Variants in TNS3 observed in about 807,000 individuals in gnomAD.
TNS3 encodes tensin 3, also known as tensin-3.
In TNS3, 45 loss-of-function variants were observed where a neutral mutation model predicts 140.9. That is an observed-to-expected ratio of 0.32 (90% CI 0.25 to 0.41). The LOEUF (loss-of-function observed/expected upper bound fraction) is 0.41. TNS3 is among the 10% of genes least tolerant of loss of function. The probability of loss-of-function intolerance (pLI) is 1.00; values close to 1 mark genes in which losing one functional copy is unlikely to be tolerated. For synonymous variants in TNS3, 815 were observed against 788.4 expected (o/e 1.03, Z -0.56); for missense variants, 1,716 against 1,906.7 (o/e 0.90, Z 1.86).
intron 2 of TNS3, among the ~76,000 whole-genome samples, chr7:47,510,748 G>T (rs908238994): frequency 6.6e-6 from 1 of 151,068 alleles, no homozygotes; most frequent in Non-Finnish European, 1.5e-5. Flanking sequence ...GATGATGCAT[G>T]TCTGTAATCC....
intron 16 of TNS3, among the ~76,000 whole-genome samples, chr7:47,373,363 G>A (rs1791191286): frequency 6.6e-6 from 1 of 152,172 alleles, no homozygotes. Flanking sequence ...TTCTCTTAAA[G>A]TTATGAGAAC....
At chr7:47,389,154 A>AAGAGGC (rs1340201271) in intron 16 of TNS3, among the ~76,000 whole-genome samples, 3 of 82,208 alleles carry the variant, frequency 3.6e-5, no homozygotes, top group African/African-American at 1.3e-4. Flanking sequence ...GAAGAAGAAG[A>AAGAGGC]AGCAGAAGAA....
chr7:47,501,279 C>A (rs1490862529), intron 3 of TNS3, among the ~76,000 whole-genome samples: 1 of 152,256 alleles, frequency 6.6e-6, no homozygotes, highest in East Asian at 1.9e-4. Context: ...TCAGATCATT[C>A]ATTCCTAGTG....
At chr7:47,491,707 T>C (rs1467966566) in intron 3 of TNS3, among the ~76,000 whole-genome samples, 2 of 152,208 alleles carry the variant, frequency 1.3e-5, no homozygotes, top group African/African-American at 2.4e-5. Context: ...TGATTCATGA[T>C]AATACTTAAC....
At chr7:47,324,672 A>T (rs969140454) in intron 20 of TNS3, among the ~76,000 whole-genome samples, 1 of 152,192 alleles carries the variant, frequency 6.6e-6, no homozygotes, top group Non-Finnish European at 1.5e-5. Context: ...GAATCACTTG[A>T]ACCTGGGAGG....
chr7:47,485,824 A>G (rs1797589499), intron 3 of TNS3, among the ~76,000 whole-genome samples: 2 of 152,228 alleles, frequency 1.3e-5, no homozygotes, highest in South Asian at 4.1e-4. Flanking sequence ...GTACACTGGC[A>G]TCAATAACCT....
chr7:47,571,868 C>T lies in TNS3; in HGVS notation c.-265+10183G>A, dbSNP rs984855083. Among the ~76,000 whole-genome samples, 6 of 152,326 alleles carry T rather than the reference C, an allele frequency of 3.9e-5. No individual in the cohort carries two copies. The East Asian group carries it at 5.8e-4, about 15-fold the overall frequency. On this transcript the variant is annotated intron_variant, in intron 1 of 30. Coordinates refer to ENST00000311160, the MANE Select transcript of TNS3 (RefSeq NM_022748.12). ...GCTGGCCACACAGCTGTGCTTGCCCCGTGCGTGGTGTCCCAGGGAACTATG... is the reference window on the plus strand; with the variant it reads ...GCTGGCCACACAGCTGTGCTTGCCCTGTGCGTGGTGTCCCAGGGAACTATG...
At chr7:47,297,989 T>C (rs1344293838) in intron 23 of TNS3, among the ~76,000 whole-genome samples, 1 of 152,008 alleles carries the variant, frequency 6.6e-6, no homozygotes. Context: ...GGTTTCACCA[T>C]GTTAGCCAGG....
intron 20 of TNS3, among the ~76,000 whole-genome samples, chr7:47,333,628 AGTAC>A (rs1562603006): frequency 6.6e-6 from 1 of 152,240 alleles, no homozygotes; most frequent in African/African-American, 2.4e-5. Flanking sequence ...AAGGGAGTCG[AGTAC>A]AGGAAAGAAA....
intron 4 of TNS3, among the ~76,000 whole-genome samples, chr7:47,466,616 CTGATTCTGGTT>C (rs983236856): frequency 3.3e-5 from 5 of 152,188 alleles, no homozygotes; most frequent in African/African-American, 1.2e-4. Flanking sequence ...GAGGCTGGGT[CTGATTCTGGTT>C]TGATTCTGGT....
chr7:47,298,049 G>C (rs536125085), intron 23 of TNS3, among the ~76,000 whole-genome samples: 423 of 152,298 alleles, frequency 2.8e-3, no homozygotes, highest in Non-Finnish European at 4.3e-3. Context: ...GCCTCCCAAA[G>C]TGCTGGGATT....
intron 4 of TNS3, among the ~76,000 whole-genome samples, chr7:47,445,520 T>C (rs1300035159): frequency 1.3e-5 from 2 of 152,190 alleles, no homozygotes; most frequent in Admixed American, 1.3e-4. Context: ...AGGCTGCCCC[T>C]GAATCACATG....
intron 20 of TNS3, among the ~76,000 whole-genome samples, chr7:47,344,439 G>A (rs543179212): frequency 6.6e-6 from 1 of 152,292 alleles, no homozygotes; most frequent in East Asian, 1.9e-4. Context: ...AGTGTGGGGT[G>A]GGCATTCTCG....
At chr7:47,539,154 A>G (rs1799709767) in intron 1 of TNS3, 1 of 456,346 alleles carries the variant, frequency 2.2e-6, no homozygotes, top group Non-Finnish European at 4.4e-6. Flanking sequence ...AAACTCCTCC[A>G]ACCTGAGTAC....
chr7:47,442,250 C>T (rs1312156921), intron 4 of TNS3, among the ~76,000 whole-genome samples, 195 bp from the exon 5 acceptor site: 5 of 152,186 alleles, frequency 3.3e-5, no homozygotes, highest in East Asian at 1.9e-4. Flanking sequence ...CACCAGAGGA[C>T]GCAGTGCCAC....
At chr7:47,327,999 G>A (rs1788118419) in intron 20 of TNS3, among the ~76,000 whole-genome samples, 1 of 152,218 alleles carries the variant, frequency 6.6e-6, no homozygotes, top group Non-Finnish European at 1.5e-5. Flanking sequence ...CAGGACCCTG[G>A]TCAGTCCATG....
At chr7:47,535,504 G>C (rs1000168181) in intron 1 of TNS3, among the ~76,000 whole-genome samples, 1 of 152,244 alleles carries the variant, frequency 6.6e-6, no homozygotes, top group African/African-American at 2.4e-5. Flanking sequence ...GACTGCCCTT[G>C]TTTTCACCTG....
rs79623273 is a variant in TNS3, at chr7:47,278,575, C to T, written c.4194-355G>A. 9.6e-3 allele frequency: 1,935 copies of T among 202,482 alleles called. 39 individuals carry two copies. The highest frequency in any genetic ancestry group is 0.043 in the African/African-American group (1,849 of 43,232). The allele number at this position is 202,482 out of a possible 1,614,324, so 12.5% of individuals were successfully genotyped here. On this transcript the variant is annotated intron_variant, in intron 30 of 30. Transcript: ENST00000311160. ...CCTGGGCACCTGTCCCTGCAGATTC[C>T]TGAGCCCCAGTCCTGACATACTGGA...
At chr7:47,516,608 C>T (rs1219935925) in intron 2 of TNS3, among the ~76,000 whole-genome samples, 1 of 152,178 alleles carries the variant, frequency 6.6e-6, no homozygotes, top group Non-Finnish European at 1.5e-5. Context: ...GCTCCCAGCT[C>T]CAACTCAGTA....
Sources: gnomAD v4.1 joint callset for allele counts (sites outside exome capture counted in the v4.1 genomes callset) on GRCh38, gnomAD v4.1.1 for gene constraint, MANE v1.5 for transcripts, NCBI Gene and HGNC (gene_info 2026-07-23, HGNC 2026-07-21) for gene names.